The following NEGR1 variants were observed in gnomAD, a reference collection of about 807,000 sequenced individuals.
NEGR1 encodes the protein IgLON family member 4.
In NEGR1, 10 loss-of-function variants were observed where a neutral mutation model predicts 40.9. The observed-to-expected ratio is 0.24, with a 90% CI of 0.15 to 0.42. The LOEUF is 0.42. NEGR1 is among the 10% of genes least tolerant of loss of function. The pLI, the probability that NEGR1 is intolerant of heterozygous loss-of-function variation, is 1.00. For missense variants in NEGR1, 352 were observed against 438.9 expected (o/e 0.80, Z 1.77); for synonymous variants, 185 against 166.8 (o/e 1.11, Z -0.84).
chr1:71,409,056 A>G (rs1203617486), intron 6 of NEGR1: 1 of 152,048 alleles, frequency 6.6e-6, no homozygotes, highest in African/African-American at 2.4e-5. Context: ...TTAATAAACA[A>G]AGAGCAAAAT....
At chr1:71,429,396 C>G (rs1376580837) in intron 6 of NEGR1, among the ~76,000 whole-genome samples, 1 of 152,126 alleles carries the variant, frequency 6.6e-6, no homozygotes. Context: ...ATTTCAAATT[C>G]AAATGCTCGG....
In NEGR1 at chr1:72,042,049, G is replaced by A. The variant is rs556253545; in HGVS notation, c.177-106738C>T. Among the ~76,000 whole-genome samples, 295 of 148,324 alleles carry A rather than the reference G, an allele frequency of 2.0e-3. 4 individuals carry two copies. Among genetic ancestry groups the A allele is most frequent in the African/African-American group, 7.1e-3 (287 of 40,438 alleles). On this transcript the variant is annotated intron_variant, in intron 1 of 6. Coordinates refer to ENST00000357731, the MANE Select transcript of NEGR1 (RefSeq NM_173808.3). ...CAGAAATATATATATATATCTATTTGAGAAATACTTGCAAGCCTATGGGGT... is the reference window on the plus strand; with the variant it reads ...CAGAAATATATATATATATCTATTTAAGAAATACTTGCAAGCCTATGGGGT...
Position 72,266,703 on chromosome 1 carries a change from G to GTA in NEGR1, c.176+15614_176+15615dup, listed in dbSNP as rs908642778. ...TCTAAAAAATGTACCAAGTGTGTGT[G>GTA]TATATATATATAGACAGATAAACAC... On this transcript the variant is annotated intron_variant, in intron 1 of 6. Coordinates refer to ENST00000357731, the MANE Select transcript of NEGR1 (RefSeq NM_173808.3). Among the ~76,000 whole-genome samples the GTA allele has an allele frequency of 5.7e-3, 759 of 132,736 alleles. 5 individuals carry two copies. The highest frequency in any genetic ancestry group is 0.02 in the African/African-American group (714 of 35,226). The allele number at this position is 132,736 out of a possible 152,430, so 87.1% of individuals were successfully genotyped here.
At chr1:71,778,664 G>A (rs1275532799) in intron 2 of NEGR1, among the ~76,000 whole-genome samples, 2 of 151,950 alleles carry the variant, frequency 1.3e-5, no homozygotes, top group Non-Finnish European at 2.9e-5. Flanking sequence ...CTCGCCTAGC[G>A]ACTTTACTTA....
At chr1:71,419,760 T>G (rs1254377268) in intron 6 of NEGR1, among the ~76,000 whole-genome samples, 28 of 152,116 alleles carry the variant, frequency 1.8e-4, no homozygotes, top group Admixed American at 1.8e-3. Context: ...TGAAATGTTC[T>G]TTCCTCAAGA....
chr1:71,865,502 G>GCCTGT (rs1464973080), intron 2 of NEGR1, among the ~76,000 whole-genome samples: 6 of 152,004 alleles, frequency 3.9e-5, no homozygotes, highest in Non-Finnish European at 7.4e-5. Flanking sequence ...ACCAAACACC[G>GCCTGT]CCTGTTCTCA....
At chr1:72,060,538 T>C (rs1284214544) in intron 1 of NEGR1, among the ~76,000 whole-genome samples, 1 of 151,668 alleles carries the variant, frequency 6.6e-6, no homozygotes, top group African/African-American at 2.4e-5. Context: ...GAAAGATCTA[T>C]GTCTTTTAAG....
intron 1 of NEGR1, among the ~76,000 whole-genome samples, chr1:72,237,773 G>C (rs1025050572): frequency 9.2e-5 from 14 of 151,866 alleles, no homozygotes; most frequent in Admixed American, 4.6e-4. Context: ...GGGTGGTATA[G>C]AAAAATTTTG....
At chr1:72,046,345 A>T (rs943428014) in intron 1 of NEGR1, among the ~76,000 whole-genome samples, 1 of 151,704 alleles carries the variant, frequency 6.6e-6, no homozygotes. Flanking sequence ...ACACATTGAG[A>T]ATAATAGATG....
chr1:71,412,794 A>G (rs1646331835), intron 6 of NEGR1, among the ~76,000 whole-genome samples: 2 of 152,202 alleles, frequency 1.3e-5, no homozygotes, highest in South Asian at 4.1e-4. Flanking sequence ...AGGAAACAAA[A>G]GGTTGAAGAT....
At chr1:71,593,082 A>G in intron 5 of NEGR1, 114 bp from the exon 6 acceptor site, 1 of 627,540 alleles carries the variant, frequency 1.6e-6, no homozygotes, top group Admixed American at 2.7e-5. Flanking sequence ...CGCTGACGTT[A>G]GCATATAACG....
At chr1:71,479,693 T>G (rs144957048) in intron 6 of NEGR1, among the ~76,000 whole-genome samples, 252 of 152,120 alleles carry the variant, frequency 1.7e-3, no homozygotes, top group Admixed American at 4.2e-3. Flanking sequence ...AAACATCTCT[T>G]GCATAAAATC....
At chr1:71,593,031 T>G (rs1649559676) in intron 5 of NEGR1, 63 bp from the exon 6 acceptor site, 2 of 1,248,468 alleles carry the variant, frequency 1.6e-6, no homozygotes, top group South Asian at 1.3e-5. Flanking sequence ...TTTTTTTATC[T>G]TAGCTGGGGT....
At chr1:71,793,423 A>T (rs1234952312) in intron 2 of NEGR1, among the ~76,000 whole-genome samples, 2 of 148,936 alleles carry the variant, frequency 1.3e-5, no homozygotes, top group Non-Finnish European at 3.0e-5. Context: ...ATGGTCTATC[A>T]GCAACAAATA....
At chr1:72,213,243 C>T (rs1233494983) in intron 1 of NEGR1, among the ~76,000 whole-genome samples, 3 of 151,836 alleles carry the variant, frequency 2.0e-5, no homozygotes, top group Non-Finnish European at 4.4e-5. Context: ...TCCGCAGATA[C>T]GAATGAGGAT....
At chr1:71,848,090 C>T (rs1024347603) in intron 2 of NEGR1, among the ~76,000 whole-genome samples, 3 of 152,268 alleles carry the variant, frequency 2.0e-5, no homozygotes, top group East Asian at 1.9e-4. Flanking sequence ...AAGGCCCTAA[C>T]CCTCATTAAC....
chr1:71,617,188 A>G (rs1383266131), intron 4 of NEGR1, among the ~76,000 whole-genome samples: 3 of 152,204 alleles, frequency 2.0e-5, no homozygotes, highest in Non-Finnish European at 2.9e-5. Flanking sequence ...GCCCTTCCCT[A>G]TTGGTGAAGA....
At chr1:71,513,298 A>G (rs1167939229) in intron 6 of NEGR1, among the ~76,000 whole-genome samples, 2 of 152,156 alleles carry the variant, frequency 1.3e-5, no homozygotes, top group Non-Finnish European at 2.9e-5. Context: ...CCACCTCTCA[A>G]AAAAGTGAGT....
intron 1 of NEGR1, among the ~76,000 whole-genome samples, chr1:72,222,533 T>C (rs1380970612): frequency 6.6e-6 from 1 of 152,050 alleles, no homozygotes; most frequent in East Asian, 1.9e-4. Context: ...CATAAAGACA[T>C]GGGGATGTAT....
Sources: gnomAD v4.1 joint callset for allele counts (sites outside exome capture counted in the v4.1 genomes callset) on GRCh38, gnomAD v4.1.1 for gene constraint, MANE v1.5 for transcripts, NCBI Gene and HGNC (gene_info 2026-07-23, HGNC 2026-07-21) for gene names.